Variants in PCDHGA7 observed in about 807,000 individuals in gnomAD.
PCDHGA7 encodes protocadherin gamma subfamily A, 7, also known as protocadherin gamma-A7.
In PCDHGA7, 44 loss-of-function variants were observed where a neutral mutation model predicts 58.3. The ratio of observed to expected loss-of-function variants is 0.75; its 90% confidence interval spans 0.59 to 0.97. The LOEUF is 0.97. Among genes scored for constraint, PCDHGA7 ranks in the 50% least tolerant of loss-of-function variants. The probability of loss-of-function intolerance (pLI) is 0.00; values close to 1 mark genes in which losing one functional copy is unlikely to be tolerated. For missense variants in PCDHGA7, 1,266 were observed against 1,188.7 expected (o/e 1.06, Z -0.96); for synonymous variants, 516 against 504.2 (o/e 1.02, Z -0.31).
In PCDHGA7 at chr5:141,509,418, A is replaced by G. The variant is rs767758113; in HGVS notation, c.2573-1529A>G. Among the ~76,000 whole-genome samples the G allele has an allele frequency of 2.6e-5, 4 of 152,188 alleles. No individual in the cohort carries two copies. The South Asian group carries it at 6.2e-4, about 24-fold the overall frequency. ...TCAGGGCCTCCAGCAGCGAGCCCCA[A>G]TGAGTCAAACTCTTGTTTCCTCCTC... On this transcript the variant is annotated intron_variant, in intron 3 of 3. Transcript: ENST00000518325.
intron 1 of PCDHGA7, chr5:141,430,745 T>C (rs377018529): frequency 1.3e-4 from 191 of 1,499,634 alleles, no homozygotes; most frequent in Non-Finnish European, 1.7e-4. Context: ...AAAATAATTC[T>C]GGAGGAAGAT....
At position 141,491,766 on chromosome 5, in the gene PCDHGA7, T is replaced by G. The variant is rs772444495; in HGVS notation, c.2425-3041T>G. On this transcript the variant is annotated intron_variant, in intron 1 of 3. Coordinates refer to ENST00000518325, the MANE Select transcript of PCDHGA7 (RefSeq NM_018920.4). This position sits in a 1 kb window ranked among gnomAD's most constrained non-coding sequence, Gnocchi z 6.9. ...GCACTGGAGAAGCCGCCCGTCCTCA[T>G]AAGGGATTGAACTTGCATCCACTCC... The G allele has an allele frequency of 1.9e-6, 3 of 1,567,856 alleles. No homozygotes were observed. Among genetic ancestry groups the G allele is most frequent in the Non-Finnish European group, 8.6e-7 (1 of 1,158,088 alleles).
intron 1 of PCDHGA7, among the ~76,000 whole-genome samples, chr5:141,458,829 C>T (rs2098954599): frequency 6.6e-6 from 1 of 152,108 alleles, no homozygotes; most frequent in Non-Finnish European, 1.5e-5. Context: ...GCCTCCCAGG[C>T]TCAAGTGATC....
chr5:141,414,472 A>G (rs1039987036), intron 1 of PCDHGA7: 1 of 1,613,914 alleles, frequency 6.2e-7, no homozygotes, highest in African/African-American at 1.3e-5. Flanking sequence ...AGATGGGGGA[A>G]GTCCTCCTCT....
At chr5:141,390,447 G>C (rs941574561) in intron 1 of PCDHGA7, 12 of 843,730 alleles carry the variant, frequency 1.4e-5, no homozygotes, top group Admixed American at 2.9e-5. Flanking sequence ...TACAAAGGAG[G>C]AGTAAAGTAG....
At chr5:141,401,756 A>G (rs560146125) in intron 1 of PCDHGA7, among the ~76,000 whole-genome samples, 2 of 152,332 alleles carry the variant, frequency 1.3e-5, no homozygotes, top group African/African-American at 4.8e-5. Context: ...CTCCCATTAC[A>G]TGGTATAAGT....
At chr5:141,393,952 G>C in intron 1 of PCDHGA7, 4 of 1,613,916 alleles carry the variant, frequency 2.5e-6, no homozygotes, top group Non-Finnish European at 3.4e-6. Context: ...GGAAAGAATG[G>C]TCAAGTTGTC....
chr5:141,481,762 G>A (rs1378950651), intron 1 of PCDHGA7, among the ~76,000 whole-genome samples: 3 of 152,126 alleles, frequency 2.0e-5, no homozygotes, highest in African/African-American at 2.4e-5. Flanking sequence ...GACCAGCCTG[G>A]CCAACATGGT....
intron 1 of PCDHGA7, chr5:141,388,264 A>G (rs1054125491): frequency 1.3e-6 from 2 of 1,598,302 alleles, no homozygotes; most frequent in African/African-American, 2.9e-5. Context: ...GAGGACATTA[A>G]TGACCACACG....
Position 141,393,006 on chromosome 5 carries a change from C to T in PCDHGA7, c.2424+7683C>T, listed in dbSNP as rs182052960. On this transcript the variant is annotated intron_variant, in intron 1 of 3. Coordinates refer to ENST00000518325, the MANE Select transcript of PCDHGA7 (RefSeq NM_018920.4). ...CCGGAAGCTGGCGAAGCACGGAGTC[C>T]GTATCGTCTCCAGAGGTAGGACGCA... is the stretch of plus-strand genomic sequence containing the variant. 3.5e-3 allele frequency: 5,649 copies of T among 1,613,866 alleles called. 26 individuals are homozygous for T. The highest frequency in any genetic ancestry group is 4.1e-3 in the Non-Finnish European group (4,855 of 1,179,884).
chr5:141,422,400 G>A (rs1207332302), intron 1 of PCDHGA7: 3 of 1,598,664 alleles, frequency 1.9e-6, no homozygotes, highest in South Asian at 2.3e-5. Context: ...CTAACCACCT[G>A]CCTTTTAAAT....
At chr5:141,404,408 A>G in intron 1 of PCDHGA7, 1 of 1,613,900 alleles carries the variant, frequency 6.2e-7, no homozygotes, top group Non-Finnish European at 8.5e-7. Flanking sequence ...TGAGAATTCT[A>G]GAGTTATTTA....
intron 1 of PCDHGA7, among the ~76,000 whole-genome samples, chr5:141,483,913 C>G (rs988014158): frequency 6.7e-6 from 1 of 148,188 alleles, no homozygotes; most frequent in African/African-American, 2.5e-5. Context: ...GTTTCCCACT[C>G]AGATTGCAGG....
rs1225025591 is a variant in PCDHGA7 at position 141,493,316 on chromosome 5, T to G, written c.2425-1491T>G. Among the ~76,000 whole-genome samples, 2 of 152,198 alleles carry G rather than the reference T, an allele frequency of 1.3e-5. No homozygotes were observed. The highest frequency in any genetic ancestry group is 2.1e-4 in the South Asian group (1 of 4,826). Reference sequence around the variant, plus strand: ...AGTTCACAGAGCAAGTAAGAGAGATTCTAACCCCTGTCTAACTCCAGAATG... The same window carrying G: ...AGTTCACAGAGCAAGTAAGAGAGATGCTAACCCCTGTCTAACTCCAGAATG... On this transcript the variant is annotated intron_variant, in intron 1 of 3. Coordinates refer to ENST00000518325, the MANE Select transcript of PCDHGA7 (RefSeq NM_018920.4). This position sits in a 1 kb window ranked among gnomAD's most constrained non-coding sequence, Gnocchi z 4.3.
chr5:141,409,205 A>G (rs766592481), intron 1 of PCDHGA7: 3 of 1,614,068 alleles, frequency 1.9e-6, no homozygotes, highest in Non-Finnish European at 1.7e-6. Context: ...TAAAGTAATC[A>G]TAGAAATCCT....
In PCDHGA7 at chr5:141,383,869, G is replaced by C. The variant is rs1311272718; in HGVS notation, c.970G>C (p.Gly324Arg). 1 of 1,613,980 alleles carries C rather than the reference G, an allele frequency of 6.2e-7. No homozygotes were observed. Among genetic ancestry groups the C allele is most frequent in the Non-Finnish European group, 8.5e-7 (1 of 1,179,890 alleles). Residue 324 changes from glycine to arginine, a missense_variant, in exon 1 of 4, where the codon GGT becomes CGT. Coordinates refer to ENST00000518325, the MANE Select transcript of PCDHGA7 (RefSeq NM_018920.4). Reference protein sequence around the residue: ...FYEMEVQAQDGPGSLTKAKVL... With the variant: ...FYEMEVQAQDRPGSLTKAKVL... ...TGAAATGGAGGTTCAGGCTCAAGAT[G>C]GTCCTGGTAGTCTGACAAAGGCAAA...
rs762926348 is a variant in PCDHGA7, at chr5:141,408,364, A to C, written c.2424+23041A>C. ...TGGTGGGGAACCTCGCTAAGGATCTAGGGCTCAGTGTCCTGGATGTGTCGG... is the reference window on the plus strand; with the variant it reads ...TGGTGGGGAACCTCGCTAAGGATCTCGGGCTCAGTGTCCTGGATGTGTCGG... On this transcript the variant is annotated intron_variant, in intron 1 of 3. Transcript: ENST00000518325. 3.7e-6 allele frequency: 6 copies of C among 1,613,960 alleles called. No individual in the cohort carries two copies. In the East Asian group the frequency reaches 1.3e-4, roughly 36 times the overall value.
intron 1 of PCDHGA7, chr5:141,419,057 A>T: frequency 6.2e-7 from 1 of 1,613,900 alleles, no homozygotes; most frequent in East Asian, 2.2e-5. Flanking sequence ...TTCTTCTAAT[A>T]ATTACTACAA....
chr5:141,505,078 C>G (rs535590642), intron 2 of PCDHGA7, among the ~76,000 whole-genome samples: 81 of 152,298 alleles, frequency 5.3e-4, no homozygotes, highest in African/African-American at 2.0e-3. Flanking sequence ...AGGAGAATCG[C>G]TTGAACCCAG....
Sources: allele counts gnomAD v4.1 joint callset (sites outside exome capture counted in the v4.1 genomes callset), GRCh38; gene constraint gnomAD v4.1.1; non-coding constraint Gnocchi (gnomAD v3.1); transcripts MANE v1.5; gene names NCBI Gene and HGNC (gene_info 2026-07-23, HGNC 2026-07-21).